TIE1: variants seen among roughly 807,000 people sequenced by gnomAD.
TIE1 encodes the protein tyrosine-protein kinase receptor Tie-1.
A neutral mutation model predicts 130.5 loss-of-function variants in TIE1; 89 were observed. That is an observed-to-expected ratio of 0.68 (90% CI 0.57 to 0.81). TIE1 has a LOEUF of 0.81. Ranked by LOEUF, TIE1 falls within the 40% of genes least tolerant of loss-of-function variation. TIE1 has a pLI of 0.00. For missense variants in TIE1, 1,392 were observed against 1,559.8 expected (o/e 0.89, Z 1.81); for synonymous variants, 568 against 629.4 (o/e 0.90, Z 1.46).
Position 43,319,104 on chromosome 1 carries a change from T to C in TIE1, c.2923-131T>C. ...TCAGATATGAGTCAGCTGACGAGAT[T>C]GCAGCCAGGAGGGTAGGAGTATGGG... On this transcript the variant is annotated intron_variant, in intron 17 of 22. Transcript: ENST00000372476. This position sits in a 1 kb window ranked among gnomAD's most constrained non-coding sequence, Gnocchi z 4.7. 1 of 674,418 alleles carries C rather than the reference T, an allele frequency of 1.5e-6. No individual in the cohort carries two copies. The highest frequency in any genetic ancestry group is 1.7e-5 in the South Asian group (1 of 59,272). 41.8% of individuals were successfully genotyped at this position (674,418 alleles called of 1,614,324 possible). A position where few individuals can be genotyped will look rare whatever the true frequency, so the allele number is the denominator to read the frequency against.
chr1:43,311,303 T>A (rs1646787921), intron 9 of TIE1, among the ~76,000 whole-genome samples: 1 of 151,676 alleles, frequency 6.6e-6, no homozygotes, highest in Non-Finnish European at 1.5e-5. Flanking sequence ...TTTTTTTTTT[T>A]AATAAGAGAG....
rs1208194338 is a variant in TIE1 at position 43,309,650 on chromosome 1, C to T, written c.1333+118C>T. ...AAGGACATCTAAGGTCATAGCCTAG[C>T]ACCAGACAAAAAGCGGGGTTGTGGT... On this transcript the variant is annotated intron_variant, in intron 9 of 22. Transcript: ENST00000372476. The surrounding 1 kb of genome is among the most constrained non-coding windows in gnomAD (Gnocchi z 6.3). 3 of 1,350,532 alleles carry T rather than the reference C, an allele frequency of 2.2e-6. No homozygotes were observed. The highest frequency in any genetic ancestry group is 1.5e-5 in the African/African-American group (1 of 67,792). The allele number at this position is 1,350,532 out of a possible 1,614,324, so 83.7% of individuals were successfully genotyped here.
At position 43,318,090 on chromosome 1, in the gene TIE1, C is replaced by T. The variant is rs371762768; in HGVS notation, c.2922+18C>T. ...AGAAGCAGGTGTGTGTGAGTGGGGGCGGGTGGAGGCCAGAGGGGGAAGCCA... is the reference window on the plus strand; with the variant it reads ...AGAAGCAGGTGTGTGTGAGTGGGGGTGGGTGGAGGCCAGAGGGGGAAGCCA... On this transcript the variant is annotated intron_variant, in intron 17 of 22. Transcript: ENST00000372476. The surrounding 1 kb of genome is among the most constrained non-coding windows in gnomAD (Gnocchi z 4.4). 77 of 1,520,352 alleles carry T rather than the reference C, an allele frequency of 5.1e-5. No homozygotes were observed. In the Admixed American group the frequency reaches 8.0e-4, roughly 16 times the overall value. The allele number at this position is 1,520,352 out of a possible 1,614,324, so 94.2% of individuals were successfully genotyped here.
intron 19 of TIE1, chr1:43,320,543 C>A (rs1402976265): frequency 6.6e-6 from 1 of 152,206 alleles, no homozygotes; most frequent in Non-Finnish European, 1.5e-5. Context: ...GATGGCAAGA[C>A]CCTGTCTCTA....
chr1:43,302,079 T>C (rs902245490), intron 1 of TIE1, among the ~76,000 whole-genome samples: 7 of 152,128 alleles, frequency 4.6e-5, no homozygotes, highest in African/African-American at 1.7e-4. Flanking sequence ...TCTGAGGATC[T>C]GTGGAGGGCC....
rs1231882339 is a variant in TIE1, at chr1:43,304,921, C to A, written c.129C>A (p.Cys43Ter). ...LTDPQRFFLT[C>*]VSGEAGAGRG... ...ACCCCCAGCGCTTCTTCCTGACTTG[C>A]GTGTCTGGGGAGGCCGGGGCGGGGA... The change falls in exon 2 of 23, where the codon TGC (cysteine) becomes TGA (stop). Residue 43 changes from cysteine to a stop codon, truncating the protein, a stop_gained. Transcript: ENST00000372476. LOFTEE classifies it high-confidence loss of function. 6.9e-7 allele frequency: 1 copy of A among 1,439,870 alleles called. No individual in the cohort carries two copies. The highest frequency in any genetic ancestry group is 2.9e-5 in the Admixed American group (1 of 34,580). The allele number at this position is 1,439,870 out of a possible 1,614,324, so 89.2% of individuals were successfully genotyped here.
At chr1:43,305,186 G>T in intron 2 of TIE1, 21 bp downstream of exon 2, 4 of 1,613,956 alleles carry the variant, frequency 2.5e-6, no homozygotes, top group Non-Finnish European at 3.4e-6. Context: ...CAGGCGGGGG[G>T]ATGGCGCGGG....
chr1:43,313,137 C>A lies in TIE1; in HGVS notation c.1930C>A (p.Pro644Thr). ...GCCTTCCCCCACCATCTCCCCAGGGCCTCCAGCCCCCCGACACCTCCACGC... is the reference window on the plus strand; with the variant it reads ...GCCTTCCCCCACCATCTCCCCAGGGACTCCAGCCCCCCGACACCTCCACGC... ...PAHVLLPPSGPPAPRHLHAQA... is the reference protein window; with the variant it reads ...PAHVLLPPSGTPAPRHLHAQA... The change falls in exon 13 of 23, where the codon CCT (proline) becomes ACT (threonine). Residue 644 changes from proline (P) to threonine (T), a missense_variant and splice_region_variant. This residue lies in a region of TIE1 where 551 missense variants were observed against 565.5 expected (regional missense o/e 0.97). Coordinates refer to ENST00000372476, the MANE Select transcript of TIE1 (RefSeq NM_005424.5). This position sits in a 1 kb window ranked among gnomAD's most constrained non-coding sequence, Gnocchi z 6.2. 6.3e-7 allele frequency: 1 copy of A among 1,599,314 alleles called. No homozygotes were observed. Among genetic ancestry groups the A allele is most frequent in the South Asian group, 1.1e-5 (1 of 88,108 alleles).
Position 43,319,309 on chromosome 1 carries a change from C to A in TIE1, c.2997C>A (p.Gly999=). The A allele has an allele frequency of 6.2e-7, 1 of 1,614,048 alleles. No individual in the cohort carries two copies. Among genetic ancestry groups the A allele is most frequent in the Non-Finnish European group, 8.5e-7 (1 of 1,179,982 alleles). ...TAGCCTCCAAGATTGCAGACTTCGG[C>A]CTTTCTCGGGGAGAGGAGGTTTATG... is the stretch of plus-strand genomic sequence containing the variant. ...ENLASKIADF[G]LSRGEEVYVK... The change falls in exon 18 of 23, where the codon GGC becomes GGA. Residue 999 remains glycine, a synonymous_variant. Transcript: ENST00000372476. The surrounding 1 kb of genome is among the most constrained non-coding windows in gnomAD (Gnocchi z 4.7).
At chr1:43,320,900 A>T in intron 19 of TIE1, 1 of 165,886 alleles carries the variant, frequency 6.0e-6, no homozygotes, top group Non-Finnish European at 1.3e-5. Context: ...AAAAATACAA[A>T]ACATTAGCTG....
rs771802254 is a variant in TIE1 at position 43,306,915 on chromosome 1, C to A, written c.560C>A (p.Pro187Gln). ...CTGCTGCAGCTCCCAAATGTGCAGCCACCATCGAGCGGCATCTACAGTGCC... is the reference window on the plus strand; with the variant it reads ...CTGCTGCAGCTCCCAAATGTGCAGCAACCATCGAGCGGCATCTACAGTGCC... ...RFLLQLPNVQ[P>Q]PSSGIYSATY... is the part of the protein sequence containing the mutation. The change falls in exon 4 of 23, where the codon CCA becomes CAA. Residue 187 changes from proline (P) to glutamine (Q), a missense_variant. Physicochemically the swap from Pro to Gln is moderately conservative, Grantham distance 76. Around this residue, in one of 6 missense-constraint regions of TIE1, gnomAD observed 415 missense variants for 424.8 expected, o/e 0.98. Transcript: ENST00000372476. The surrounding 1 kb of genome is among the most constrained non-coding windows in gnomAD (Gnocchi z 4.9). 6 of 1,614,078 alleles carry A rather than the reference C, an allele frequency of 3.7e-6. No individual in the cohort carries two copies. The South Asian group carries it at 6.6e-5, about 18-fold the overall frequency.
chr1:43,304,842 T>C lies in TIE1; in HGVS notation c.59-9T>C. The C allele has an allele frequency of 2.1e-6, 3 of 1,416,838 alleles. No individual in the cohort carries two copies. Among genetic ancestry groups the C allele is most frequent in the Non-Finnish European group, 2.7e-6 (3 of 1,092,312 alleles). 87.8% of individuals were successfully genotyped at this position (1,416,838 alleles called of 1,614,324 possible). A position where few individuals can be genotyped will look rare whatever the true frequency, so the allele number is the denominator to read the frequency against. On this transcript the variant is annotated splice_polypyrimidine_tract_variant and intron_variant, in intron 1 of 22. Transcript: ENST00000372476. ...GACTACAATAGAGTCACTGGTGTCCTGGCCCCAGGCGCGGCGGTGGACCTG... is the reference window on the plus strand; with the variant it reads ...GACTACAATAGAGTCACTGGTGTCCCGGCCCCAGGCGCGGCGGTGGACCTG...
Position 43,312,316 on chromosome 1 carries a change from C to A in TIE1, c.1642C>A (p.Gln548Lys). 2.6e-6 allele frequency: 4 copies of A among 1,549,548 alleles called. No homozygotes were observed. Among genetic ancestry groups the A allele is most frequent in the Non-Finnish European group, 2.6e-6 (3 of 1,145,584 alleles). Residue 548 changes from glutamine to lysine, a missense_variant, in exon 12 of 23, where the codon CAG becomes AAG. Transcript: ENST00000372476. The surrounding 1 kb of genome is among the most constrained non-coding windows in gnomAD (Gnocchi z 5.6). Reference sequence around the variant, plus strand: ...ACCTCTGGCCCCAGAGCCTTTGTTGCAGCCGTGGTTGGAGGGCTGGCATGT... The same window carrying A: ...ACCTCTGGCCCCAGAGCCTTTGTTGAAGCCGTGGTTGGAGGGCTGGCATGT... The part of the protein sequence containing the change: ...MTTDCPEPLL[Q>K]PWLEGWHVEG...
chr1:43,307,924 G>A lies in TIE1; in HGVS notation c.1042G>A (p.Asp348Asn). 1 of 1,614,108 alleles carries A rather than the reference G, an allele frequency of 6.2e-7. No homozygotes were observed. Among genetic ancestry groups the A allele is most frequent in the Non-Finnish European group, 8.5e-7 (1 of 1,179,962 alleles). Residue 348 changes from aspartate to asparagine, a missense_variant and splice_region_variant, in exon 7 of 23, where the codon GAC (aspartate) becomes AAC (asparagine). Physicochemically the swap from Asp to Asn is conservative, Grantham distance 23. Transcript: ENST00000372476. This position sits in a 1 kb window ranked among gnomAD's most constrained non-coding sequence, Gnocchi z 5.4. The stretch of plus-strand genomic sequence containing the variant: ...GCATGGAGTGCACTGTGAGAAGTCA[G>A]GTATAAGCACTATGACCTCTGAGAG... ...GWHGVHCEKSDRIPQILNMAS... is the reference protein window; with the variant it reads ...GWHGVHCEKSNRIPQILNMAS...
In TIE1 at chr1:43,313,790, A is replaced by G. The variant is rs1646829883; in HGVS notation, c.2231A>G (p.Glu744Gly). The change falls in exon 14 of 23, where the codon GAG (glutamate) becomes GGG (glycine). Residue 744 changes from glutamate (E) to glycine (G), a missense_variant. Physicochemically the swap from Glu to Gly is moderately conservative, Grantham distance 98 (BLOSUM62 -2). Transcript: ENST00000372476. This position sits in a 1 kb window ranked among gnomAD's most constrained non-coding sequence, Gnocchi z 6.2. ...ESTLGNGLQA[E>G]GPVQESRAAE... ...TCACTGTGTCCAGGGCTGCAGGCTG[A>G]GGGCCCAGTCCAAGAGAGCCGGGCA... 1 of 1,612,374 alleles carries G rather than the reference A, an allele frequency of 6.2e-7. No individual in the cohort carries two copies. The highest frequency in any genetic ancestry group is 1.3e-5 in the African/African-American group (1 of 74,854).
At chr1:43,301,209 A>G in intron 1 of TIE1, 80 bp downstream of exon 1, 9 of 1,483,430 alleles carry the variant, frequency 6.1e-6, no homozygotes, top group Non-Finnish European at 8.3e-6. Flanking sequence ...ATTTTATCAT[A>G]GAGACAGAAA....
Position 43,313,206 on chromosome 1 carries a change from C to T in TIE1, c.1999C>T (p.Pro667Ser), listed in dbSNP as rs894208599. The T allele has an allele frequency of 1.2e-6, 2 of 1,613,790 alleles. No homozygotes were observed. The highest frequency in any genetic ancestry group is 1.7e-6 in the Non-Finnish European group (2 of 1,179,918). ...DSEIQLTWKH[P>S]EALPGPISKY... Reference sequence around the variant, plus strand: ...CGAGATCCAGCTGACATGGAAGCACCCGGAGGCTCTGCCTGGGCCAATATC... The same window carrying T: ...CGAGATCCAGCTGACATGGAAGCACTCGGAGGCTCTGCCTGGGCCAATATC... Residue 667 changes from proline (P) to serine (S), a missense_variant, in exon 13 of 23, where the codon CCG (proline) becomes TCG (serine). Transcript: ENST00000372476. This position sits in a 1 kb window ranked among gnomAD's most constrained non-coding sequence, Gnocchi z 6.2.
intron 1 of TIE1, among the ~76,000 whole-genome samples, chr1:43,302,130 C>A (rs1381003849): frequency 6.6e-6 from 1 of 152,176 alleles, no homozygotes; most frequent in Non-Finnish European, 1.5e-5. Context: ...GTTGGATTCA[C>A]TCAGTTGTTC....
At chr1:43,304,177 C>T (rs975963378) in intron 1 of TIE1, among the ~76,000 whole-genome samples, 3 of 152,206 alleles carry the variant, frequency 2.0e-5, no homozygotes, top group Non-Finnish European at 4.4e-5. Flanking sequence ...TCAAAGGATC[C>T]TCCCACCTCT....
Sources: allele counts gnomAD v4.1 joint callset (sites outside exome capture counted in the v4.1 genomes callset), GRCh38; gene constraint gnomAD v4.1.1; regional missense constraint gnomAD v4.1.1; non-coding constraint Gnocchi (gnomAD v3.1); transcripts MANE v1.5; gene names NCBI Gene and HGNC (gene_info 2026-07-23, HGNC 2026-07-21).